Variants in KAZN observed in about 807,000 individuals in gnomAD.
KAZN encodes kazrin.
KAZN carries 40 observed loss-of-function variants against 87.4 expected under a neutral mutation model. The ratio of observed to expected loss-of-function variants is 0.46; its 90% confidence interval spans 0.36 to 0.60. The LOEUF (loss-of-function observed/expected upper bound fraction) is 0.60. KAZN is among the 20% of genes least tolerant of loss of function. The pLI is 0.00. For synonymous variants in KAZN, 466 were observed against 458.3 expected, an observed-to-expected ratio of 1.02 and a Z score of -0.22; for missense variants, 898 against 1,073.9, an observed-to-expected ratio of 0.84 and a Z score of 2.29.
intron 1 of KAZN, among the ~76,000 whole-genome samples, chr1:14,619,338 C>T (rs1316956361): frequency 6.6e-6 from 1 of 151,632 alleles, no homozygotes; most frequent in Non-Finnish European, 1.5e-5. Context: ...GCTAGATCTA[C>T]AGGTGGGTGC....
chr1:14,687,875 C>T lies in KAZN; in HGVS notation c.226+88652C>T, dbSNP rs16850715. Among the ~76,000 whole-genome samples the T allele has an allele frequency of 6.5e-3, 983 of 152,258 alleles. 14 individuals are homozygous for T. The highest frequency in any genetic ancestry group is 0.022 in the African/African-American group (933 of 41,536). On this transcript the variant is annotated intron_variant, in intron 1 of 14. Coordinates refer to ENST00000376030, the MANE Select transcript of KAZN (RefSeq NM_201628.3). ...CCAGGAGGCAAGAATTATTCTTTTTCATTTTCAACATGGAGACCAAAGTCC... is the reference window on the plus strand; with the variant it reads ...CCAGGAGGCAAGAATTATTCTTTTTTATTTTCAACATGGAGACCAAAGTCC...
At chr1:14,612,788 G>A (rs1677922312) in intron 1 of KAZN, among the ~76,000 whole-genome samples, 1 of 152,174 alleles carries the variant, frequency 6.6e-6, no homozygotes, top group Admixed American at 6.5e-5. Context: ...ATTGCCAAAT[G>A]TCCTTTTGGG....
At chr1:14,569,259 T>A (rs1674713704) in intron 2 of KAZN, among the ~76,000 whole-genome samples, 1 of 151,776 alleles carries the variant, frequency 6.6e-6, no homozygotes, top group African/African-American at 2.4e-5. Flanking sequence ...AATGTCTTGA[T>A]GCAAGTTTCC....
chr1:14,764,484 A>G lies in KAZN; in HGVS notation c.226+165261A>G, dbSNP rs1644835271. 2.7e-5 allele frequency among the ~76,000 whole-genome samples: 4 copies of G among 145,802 alleles called. No individual in the cohort carries two copies. In the South Asian group the frequency reaches 6.5e-4, roughly 24 times the overall value. ...TGATTTATTCATCATATTCTTTGTT[A>G]TCCGCCGCCCCTCTGCCCCCCCATA... is the stretch of plus-strand genomic sequence containing the variant. On this transcript the variant is annotated intron_variant, in intron 1 of 14. Coordinates refer to ENST00000376030, the MANE Select transcript of KAZN (RefSeq NM_201628.3).
chr1:14,141,551 G>A (rs1394986343), intron 1 of KAZN, among the ~76,000 whole-genome samples: 2 of 152,072 alleles, frequency 1.3e-5, no homozygotes, highest in Non-Finnish European at 1.5e-5. Context: ...GAGAAATGGT[G>A]GTTGTAGGAC....
chr1:14,218,305 T>C (rs994658788), intron 2 of KAZN, among the ~76,000 whole-genome samples: 2 of 151,614 alleles, frequency 1.3e-5, no homozygotes, highest in Non-Finnish European at 2.9e-5. Context: ...ATCATATACA[T>C]TGTGAGTTCA....
At chr1:14,251,365 A>G (rs1190530251) in intron 2 of KAZN, among the ~76,000 whole-genome samples, 2 of 152,162 alleles carry the variant, frequency 1.3e-5, no homozygotes, top group African/African-American at 4.8e-5. Flanking sequence ...TCCTTGCACC[A>G]TCTCCAGGAA....
chr1:14,677,899 A>T (rs1253541633), intron 1 of KAZN, among the ~76,000 whole-genome samples: 2 of 152,198 alleles, frequency 1.3e-5, no homozygotes, highest in African/African-American at 4.8e-5. Flanking sequence ...GTGTCCATGC[A>T]GCTGGTATGT....
chr1:13,968,410 G>C (rs1442972733), intron 1 of KAZN, among the ~76,000 whole-genome samples: 1 of 152,166 alleles, frequency 6.6e-6, no homozygotes, highest in African/African-American at 2.4e-5. Flanking sequence ...AGGCAAAATG[G>C]GCTTGAAGCC....
At chr1:13,907,602 G>A (rs1030756375) in intron 1 of KAZN, among the ~76,000 whole-genome samples, 2 of 152,156 alleles carry the variant, frequency 1.3e-5, no homozygotes, top group African/African-American at 4.8e-5. Context: ...TATCCAGGAG[G>A]AAATTCTAAA....
At chr1:14,533,528 A>G (rs1459901742) in intron 2 of KAZN, among the ~76,000 whole-genome samples, 1 of 152,204 alleles carries the variant, frequency 6.6e-6, no homozygotes, top group Non-Finnish European at 1.5e-5. Context: ...CAAGGTTCCC[A>G]GTATTTATGA....
chr1:14,224,400 T>A (rs1647192952), intron 2 of KAZN, among the ~76,000 whole-genome samples: 1 of 152,170 alleles, frequency 6.6e-6, no homozygotes, highest in Admixed American at 6.5e-5. Flanking sequence ...CATACTAAGA[T>A]AAACTAAAAG....
intron 2 of KAZN, among the ~76,000 whole-genome samples, chr1:14,435,011 A>G (rs1015187753): frequency 6.6e-6 from 1 of 152,088 alleles, no homozygotes; most frequent in East Asian, 1.9e-4. Context: ...GAAGGCAGCA[A>G]TCCCACCATC....
intron 1 of KAZN, among the ~76,000 whole-genome samples, chr1:13,905,718 C>T (rs562152625): frequency 8.5e-5 from 13 of 152,248 alleles, no homozygotes; most frequent in East Asian, 7.7e-4. Context: ...CAATTGCCTC[C>T]GAACAGCCAA....
intron 2 of KAZN, among the ~76,000 whole-genome samples, chr1:14,274,808 G>A (rs1198134956): frequency 6.6e-6 from 1 of 151,978 alleles, no homozygotes; most frequent in Non-Finnish European, 1.5e-5. Flanking sequence ...TGGGTTCATG[G>A]ATGGTATCTA....
intron 1 of KAZN, among the ~76,000 whole-genome samples, chr1:14,717,466 C>G (rs1642853935): frequency 6.6e-6 from 1 of 152,072 alleles, no homozygotes; most frequent in South Asian, 2.1e-4. Context: ...GTGGCCCCGG[C>G]ATTCCTTGGC....
intron 1 of KAZN, among the ~76,000 whole-genome samples, chr1:14,137,274 A>G (rs1340455250): frequency 6.6e-6 from 1 of 152,302 alleles, no homozygotes; most frequent in Admixed American, 6.5e-5. Flanking sequence ...CTTCAAAGCA[A>G]CACCACTGAA....
chr1:14,896,276 A>G (rs1655266101), intron 1 of KAZN, among the ~76,000 whole-genome samples: 2 of 152,116 alleles, frequency 1.3e-5, no homozygotes, highest in African/African-American at 4.8e-5. Context: ...GATGGTCTCA[A>G]TCTCTTGACC....
At chr1:14,251,656 T>TTTTTTTTTTTTTTG in intron 2 of KAZN, among the ~76,000 whole-genome samples, 1 of 143,832 alleles carries the variant, frequency 7.0e-6, no homozygotes, top group Non-Finnish European at 1.5e-5. Context: ...TTTTTTTTTT[T>TTTTTTTTTTTTTTG]TTTTTTTTTT....
Sources: allele counts gnomAD v4.1 joint callset (sites outside exome capture counted in the v4.1 genomes callset), GRCh38; gene constraint gnomAD v4.1.1; transcripts MANE v1.5; gene names NCBI Gene and HGNC (gene_info 2026-07-23, HGNC 2026-07-21).